The following TEX9 variants were observed in gnomAD, a reference collection of about 807,000 sequenced individuals.
TEX9 encodes testis expressed 9.
Under a neutral mutation model 59.6 loss-of-function variants are expected in TEX9, and 74 were observed. The observed-to-expected ratio is 1.24, with a 90% CI of 1.03 to 1.51. The LOEUF (loss-of-function observed/expected upper bound fraction) is 1.51, where lower values mean the gene tolerates loss of function less well. Among genes scored for constraint, TEX9 ranks in the 40% most tolerant of loss-of-function variants. The pLI is 0.00. For synonymous variants in TEX9, 186 were observed against 152.2 expected, an observed-to-expected ratio of 1.22 and a Z score of -1.64; for missense variants, 522 against 447.8, an observed-to-expected ratio of 1.17 and a Z score of -1.49.
At chr15:56,402,784 C>T (rs566372193) in intron 9 of TEX9, among the ~76,000 whole-genome samples, 3 of 152,318 alleles carry the variant, frequency 2.0e-5, no homozygotes, top group African/African-American at 7.2e-5. Flanking sequence ...GCTTATCCAA[C>T]AAGATCAAGT....
At chr15:56,326,323 T>C (rs1203432494) in intron 1 of TEX9, among the ~76,000 whole-genome samples, 1 of 152,180 alleles carries the variant, frequency 6.6e-6, no homozygotes, top group East Asian at 1.9e-4. Flanking sequence ...TGAAAGTAGT[T>C]TTCATGCCCA....
intron 1 of TEX9, among the ~76,000 whole-genome samples, chr15:56,358,894 TC>T (rs2141909772): frequency 6.6e-6 from 1 of 152,240 alleles, no homozygotes; most frequent in South Asian, 2.1e-4. Flanking sequence ...TTGCTCTCTC[TC>T]CTGCCGCCAC....
intron 12 of TEX9, chr15:56,429,105 T>G (rs1277912164): frequency 6.3e-7 from 1 of 1,582,018 alleles, no homozygotes; most frequent in African/African-American, 1.4e-5. Context: ...ATGATATCAT[T>G]TCTCTTCACA....
chr15:56,262,665 C>T (rs942012858), intron 1 of TEX9, among the ~76,000 whole-genome samples: 3 of 152,146 alleles, frequency 2.0e-5, no homozygotes, highest in African/African-American at 4.8e-5. Context: ...TTCTAATTTT[C>T]GTTATCTAAT....
intron 1 of TEX9, among the ~76,000 whole-genome samples, chr15:56,346,843 A>G (rs1442119660): frequency 6.6e-6 from 1 of 152,208 alleles, no homozygotes; most frequent in Non-Finnish European, 1.5e-5. Context: ...TAAGAAATCT[A>G]CCGGAAATCT....
At chr15:56,271,116 G>T (rs2044518992) in intron 1 of TEX9, among the ~76,000 whole-genome samples, 1 of 151,978 alleles carries the variant, frequency 6.6e-6, no homozygotes, top group African/African-American at 2.4e-5. Flanking sequence ...ATGTGTCTTG[G>T]GGTTGCTCTT....
intron 1 of TEX9, among the ~76,000 whole-genome samples, chr15:56,325,830 C>A (rs76388485): frequency 6.6e-6 from 1 of 152,054 alleles, no homozygotes; most frequent in African/African-American, 2.4e-5. Flanking sequence ...CATTTTTTGA[C>A]CAAAATTTAG....
At chr15:56,429,717 T>A (rs888200883) in intron 12 of TEX9, 1 of 152,218 alleles carries the variant, frequency 6.6e-6, no homozygotes, top group African/African-American at 2.4e-5. Context: ...TACAGTATAC[T>A]GCAAAAGGCT....
intron 1 of TEX9, among the ~76,000 whole-genome samples, chr15:56,310,559 C>T (rs1466673138): frequency 6.6e-6 from 1 of 152,212 alleles, no homozygotes; most frequent in African/African-American, 2.4e-5. Context: ...AGGACAGAAT[C>T]TTTGTCAACA....
At chr15:56,351,295 T>C (rs889338503) in intron 1 of TEX9, among the ~76,000 whole-genome samples, 1 of 152,196 alleles carries the variant, frequency 6.6e-6, no homozygotes, top group Non-Finnish European at 1.5e-5. Context: ...AATAAACCTG[T>C]CTCAATGAGA....
intron 2 of TEX9, among the ~76,000 whole-genome samples, chr15:56,370,730 T>G (rs542530561): frequency 1.3e-5 from 2 of 152,244 alleles, no homozygotes; most frequent in Non-Finnish European, 2.9e-5. Flanking sequence ...TTTAAAATTC[T>G]GTATTTTCAC....
chr15:56,365,555 T>C (rs1253349765), intron 1 of TEX9, 24 bp from the exon 2 acceptor site: 2 of 1,614,224 alleles, frequency 1.2e-6, no homozygotes, highest in East Asian at 4.5e-5. Flanking sequence ...ACTTCGGGTC[T>C]GAAAGTCTGT....
chr15:56,302,803 C>G (rs1366077830), intron 1 of TEX9, among the ~76,000 whole-genome samples: 1 of 152,108 alleles, frequency 6.6e-6, no homozygotes, highest in Non-Finnish European at 1.5e-5. Context: ...AATCGGTTGC[C>G]TATTCCAAGA....
rs1014608692 is a variant in TEX9, at chr15:56,373,435, T to C, written c.120-6T>C. On this transcript the variant is annotated splice_polypyrimidine_tract_variant and splice_region_variant and intron_variant, in intron 2 of 12. Transcript: ENST00000352903. ...TCAGTATATCCCAATTATTTTCTGC[T>C]TTTAGGCGTTTAAATGCAGAATTGC... The C allele has an allele frequency of 6.3e-7, 1 of 1,589,662 alleles. No homozygotes were observed. Among genetic ancestry groups the C allele is most frequent in the Non-Finnish European group, 8.5e-7 (1 of 1,172,288 alleles).
intron 1 of TEX9, among the ~76,000 whole-genome samples, chr15:56,258,865 GAT>G (rs2044201713): frequency 1.3e-5 from 2 of 149,984 alleles, no homozygotes; most frequent in East Asian, 1.9e-4. Context: ...AGATATTGTA[GAT>G]ATGTTATTTG....
At chr15:56,434,669 G>A (rs887370281) in intron 12 of TEX9, among the ~76,000 whole-genome samples, 2 of 152,012 alleles carry the variant, frequency 1.3e-5, no homozygotes, top group Non-Finnish European at 1.5e-5. Flanking sequence ...TAACTGCTTT[G>A]GAAAGAGCTG....
chr15:56,459,422 G>A, the TEX9 span, among the ~76,000 whole-genome samples: 3 of 152,034 alleles, frequency 2.0e-5, no homozygotes, highest in South Asian at 2.1e-4. Flanking sequence ...ATAGACACTC[G>A]TGTATGAGTT....
intron 1 of TEX9, among the ~76,000 whole-genome samples, chr15:56,317,832 CTT>C (rs2045812523): frequency 6.6e-6 from 1 of 152,022 alleles, no homozygotes; most frequent in Non-Finnish European, 1.5e-5. Context: ...ATTTCCTTCT[CTT>C]ATTGATTTTT....
intron 1 of TEX9, among the ~76,000 whole-genome samples, chr15:56,309,699 T>G (rs1348788185): frequency 8.1e-6 from 1 of 124,014 alleles, no homozygotes; most frequent in Non-Finnish European, 1.7e-5. Context: ...GGAAGTTTTT[T>G]TTTTTTTTTT....
Sources: allele counts gnomAD v4.1 joint callset (sites outside exome capture counted in the v4.1 genomes callset), GRCh38; gene constraint gnomAD v4.1.1; transcripts MANE v1.5; gene names NCBI Gene and HGNC (gene_info 2026-07-23, HGNC 2026-07-21).